Variants in PIK3CG observed in about 807,000 individuals in gnomAD.
The protein encoded by PIK3CG is phosphatidylinositol-4,5-bisphosphate 3-kinase catalytic subunit gamma.
A neutral mutation model predicts 102.3 loss-of-function variants in PIK3CG; 55 were observed. The observed-to-expected ratio is 0.54, with a 90% confidence interval of 0.43 to 0.67. The LOEUF (loss-of-function observed/expected upper bound fraction) is 0.67, where lower values mean the gene tolerates loss of function less well. PIK3CG is among the 30% of genes least tolerant of loss of function. The pLI, the probability that PIK3CG is intolerant of heterozygous loss-of-function variation, is 0.00. For synonymous variants in PIK3CG, 552 were observed against 540.0 expected (o/e 1.02, Z -0.31); for missense variants, 1,258 against 1,391.8 (o/e 0.90, Z 1.53).
In PIK3CG at chr7:106,867,768, G is replaced by A. The variant is rs1350453790; in HGVS notation, c.207G>A (p.Gln69=). Residue 69 remains glutamine, a synonymous_variant, in exon 2 of 11, where the codon CAG becomes CAA. Transcript: ENST00000496166. This position sits in a 1 kb window ranked among gnomAD's most constrained non-coding sequence, Gnocchi z 5.1. ...TGGCCGGCCACGGCAACGTGGAGCAGATGAAGGCCCAGGTGTGGCTGCGAG... is the reference window on the plus strand; with the variant it reads ...TGGCCGGCCACGGCAACGTGGAGCAAATGAAGGCCCAGGTGTGGCTGCGAG... The part of the protein sequence containing the change: ...LHVAGHGNVE[Q]MKAQVWLRAL... The A allele has an allele frequency of 1.4e-5, 23 of 1,612,892 alleles. No individual in the cohort carries two copies. The highest frequency in any genetic ancestry group is 3.3e-5 in the South Asian group (3 of 91,078).
intron 10 of PIK3CG, among the ~76,000 whole-genome samples, chr7:106,887,749 G>T (rs1355785439): frequency 2.0e-5 from 3 of 151,554 alleles, no homozygotes; most frequent in Non-Finnish European, 4.4e-5. Flanking sequence ...ACAGAGAAAT[G>T]GTTCCAAAAA....
chr7:106,868,335 G>A lies in PIK3CG; in HGVS notation c.774G>A (p.Leu258=), dbSNP rs1790392407. 6.2e-7 allele frequency: 1 copy of A among 1,614,232 alleles called. No homozygotes were observed. Among genetic ancestry groups the A allele is most frequent in the Non-Finnish European group, 8.5e-7 (1 of 1,180,044 alleles). ...CCAAGATGGCCAAGAAGAAATCTCT[G>A]ATGGATATTCCCGAAAGCCAAAGCG... ...FFTKMAKKKS[L]MDIPESQSEQ... Residue 258 remains leucine, a synonymous_variant, in exon 2 of 11, where the codon CTG becomes CTA. Coordinates refer to ENST00000496166, the MANE Select transcript of PIK3CG (RefSeq NM_001282426.2). The surrounding 1 kb of genome is among the most constrained non-coding windows in gnomAD (Gnocchi z 6.2).
Position 106,905,544 on chromosome 7 carries a change from G to T in PIK3CG, c.*157G>T. The T allele has an allele frequency of 1.5e-6, 1 of 675,584 alleles. No individual in the cohort carries two copies. Among genetic ancestry groups the T allele is most frequent in the Non-Finnish European group, 2.5e-6 (1 of 405,204 alleles). The allele number at this position is 675,584 out of a possible 1,614,324, so 41.8% of individuals were successfully genotyped here. ...CTGAACTCTTCCCTGGAGAAAAGAT[G>T]TTGGCATTGCTGATTGTTTGGTTAA... is the stretch of plus-strand genomic sequence containing the variant. On this transcript the variant is annotated 3_prime_UTR_variant, in exon 11 of 11. Coordinates refer to ENST00000496166, the MANE Select transcript of PIK3CG (RefSeq NM_001282426.2). This position sits in a 1 kb window ranked among gnomAD's most constrained non-coding sequence, Gnocchi z 5.6.
At chr7:106,866,320 C>T (rs1180808427) in intron 1 of PIK3CG, among the ~76,000 whole-genome samples, 6 of 152,096 alleles carry the variant, frequency 3.9e-5, no homozygotes, top group African/African-American at 1.4e-4. Flanking sequence ...AAGCAAAATA[C>T]CTAATCTTTC....
Position 106,897,125 on chromosome 7 carries a change from C to G in PIK3CG, c.3031-7984C>G, listed in dbSNP as rs564431651. On this transcript the variant is annotated intron_variant, in intron 10 of 10. Transcript: ENST00000496166. The surrounding 1 kb of genome is among the most constrained non-coding windows in gnomAD (Gnocchi z 4.6). ...CTTCTACAGTATCTTTCTAGTAGTT[C>G]CAGGACATGCAATTTTAAGTACTTT... Among the ~76,000 whole-genome samples the G allele has an allele frequency of 1.3e-5, 2 of 152,216 alleles. No individual in the cohort carries two copies. Among genetic ancestry groups the G allele is most frequent in the African/African-American group, 4.8e-5 (2 of 41,524 alleles).
In PIK3CG at chr7:106,883,161, A is replaced by T. The variant is rs1790993740; in HGVS notation, c.2758A>T (p.Lys920Ter). The T allele has an allele frequency of 6.2e-7, 1 of 1,613,984 alleles. No individual in the cohort carries two copies. The highest frequency in any genetic ancestry group is 8.5e-7 in the Non-Finnish European group (1 of 1,179,968). ...CAAAGAAAAATCCCCTACTGAAGAAAAGGTGAGCTCATGCTTTTTCCCAGT... is the reference window on the plus strand; with the variant it reads ...CAAAGAAAAATCCCCTACTGAAGAATAGGTGAGCTCATGCTTTTTCCCAGT... ...WLKEKSPTEE[K>*]FQAAVERFVY... Residue 920 changes from lysine (K) to a stop codon, truncating the protein, a stop_gained and splice_region_variant, in exon 8 of 11, where the codon AAG (lysine) becomes TAG (stop). Coordinates refer to ENST00000496166, the MANE Select transcript of PIK3CG (RefSeq NM_001282426.2). LOFTEE classifies it high-confidence loss of function. This position sits in a 1 kb window ranked among gnomAD's most constrained non-coding sequence, Gnocchi z 5.8.
rs1791570310 is a variant in PIK3CG at position 106,902,007 on chromosome 7, G to A, written c.3031-3102G>A. Among the ~76,000 whole-genome samples, 1 of 152,198 alleles carries A rather than the reference G, an allele frequency of 6.6e-6. No homozygotes were observed. ...TTTCTCTCCCCCTTGAGTGCTGTCT[G>A]TAGATCATGACTTGGCACTCCTCGG... On this transcript the variant is annotated intron_variant, in intron 10 of 10. Coordinates refer to ENST00000496166, the MANE Select transcript of PIK3CG (RefSeq NM_001282426.2). This position sits in a 1 kb window ranked among gnomAD's most constrained non-coding sequence, Gnocchi z 4.3.
chr7:106,878,755 T>C (rs1223450371), intron 5 of PIK3CG, among the ~76,000 whole-genome samples: 1 of 152,242 alleles, frequency 6.6e-6, no homozygotes, highest in East Asian at 1.9e-4. Context: ...TAATTTTATA[T>C]ACAATTACCA....
Position 106,908,333 on chromosome 7 carries a change from G to A in PIK3CG, c.*2946G>A, listed in dbSNP as rs934506816. ...GGCTTTGGTGTTCAGTTTAGCACAC[G>A]CGGTCTACCACGTCTGCATGAGTGG... is the stretch of plus-strand genomic sequence containing the variant. On this transcript the variant is annotated 3_prime_UTR_variant, in exon 11 of 11. Transcript: ENST00000496166. The surrounding 1 kb of genome is among the most constrained non-coding windows in gnomAD (Gnocchi z 4.1). Among the ~76,000 whole-genome samples the A allele has an allele frequency of 1.3e-5, 2 of 152,178 alleles. No homozygotes were observed. The highest frequency in any genetic ancestry group is 2.4e-5 in the African/African-American group (1 of 41,432).
chr7:106,904,631 TTTC>T (rs1791642330), intron 10 of PIK3CG, among the ~76,000 whole-genome samples: 1 of 152,318 alleles, frequency 6.6e-6, no homozygotes, highest in East Asian at 1.9e-4. Flanking sequence ...ATGCATCTGT[TTTC>T]TTAGACTTGA....
Position 106,874,219 on chromosome 7 carries a change from T to C in PIK3CG, c.2288-481T>C, listed in dbSNP as rs1469446420. ...TTTTGCCTTTAGAATTTTAAGGCTGTCACATCCATCTTCTCTACTTCTCTA... is the reference window on the plus strand; with the variant it reads ...TTTTGCCTTTAGAATTTTAAGGCTGCCACATCCATCTTCTCTACTTCTCTA... On this transcript the variant is annotated intron_variant, in intron 4 of 10. Transcript: ENST00000496166. This position sits in a 1 kb window ranked among gnomAD's most constrained non-coding sequence, Gnocchi z 4.3. Among the ~76,000 whole-genome samples the C allele has an allele frequency of 6.6e-6, 1 of 152,246 alleles. No homozygotes were observed. The highest frequency in any genetic ancestry group is 1.9e-4 in the East Asian group (1 of 5,204).
At chr7:106,881,884 T>G (rs982257717) in intron 6 of PIK3CG, among the ~76,000 whole-genome samples, 2 of 151,646 alleles carry the variant, frequency 1.3e-5, no homozygotes, top group African/African-American at 4.8e-5. Context: ...AAACAAGAAA[T>G]GTATTTATCC....
intron 10 of PIK3CG, among the ~76,000 whole-genome samples, chr7:106,900,401 A>G (rs892974031): frequency 6.6e-6 from 1 of 151,472 alleles, no homozygotes; most frequent in South Asian, 2.1e-4. Flanking sequence ...TCTGTTTTCT[A>G]TTTGCTTGGT....
chr7:106,886,914 A>G (rs1053460645), intron 10 of PIK3CG, among the ~76,000 whole-genome samples: 2 of 109,366 alleles, frequency 1.8e-5, no homozygotes, highest in African/African-American at 3.5e-5. Context: ...GGGGAGTCCA[A>G]TCTTTTGGCT....
rs1791440170 is a variant in PIK3CG at position 106,897,587 on chromosome 7, A to G, written c.3031-7522A>G. The stretch of plus-strand genomic sequence containing the variant: ...TGTTGTTTCCTTCCTTGTGTTCATA[A>G]GTTCTTATCATTTAGCTCCCACTTA... On this transcript the variant is annotated intron_variant, in intron 10 of 10. Coordinates refer to ENST00000496166, the MANE Select transcript of PIK3CG (RefSeq NM_001282426.2). The surrounding 1 kb of genome is among the most constrained non-coding windows in gnomAD (Gnocchi z 4.6). 6.6e-6 allele frequency among the ~76,000 whole-genome samples: 1 copy of G among 152,050 alleles called. No individual in the cohort carries two copies. The highest frequency in any genetic ancestry group is 6.6e-5 in the Admixed American group (1 of 15,258).
chr7:106,873,043 T>C (rs999078400), intron 4 of PIK3CG, 105 bp downstream of exon 4: 31 of 797,970 alleles, frequency 3.9e-5, no homozygotes, highest in Non-Finnish European at 6.2e-5. Context: ...TGCATCCTCC[T>C]GAAGGCACCA....
At chr7:106,896,437 T>C (rs1434434233) in intron 10 of PIK3CG, among the ~76,000 whole-genome samples, 1 of 152,226 alleles carries the variant, frequency 6.6e-6, no homozygotes, top group Non-Finnish European at 1.5e-5. Flanking sequence ...TCCCCATCTA[T>C]GTCCTTGTGA....
Position 106,867,439 on chromosome 7 carries a change from G to T in PIK3CG, c.-12-111G>T. 1.0e-6 allele frequency: 1 copy of T among 967,000 alleles called. No homozygotes were observed. The highest frequency in any genetic ancestry group is 1.6e-6 in the Non-Finnish European group (1 of 641,240). 59.9% of individuals were successfully genotyped at this position (967,000 alleles called of 1,614,324 possible). On this transcript the variant is annotated intron_variant, in intron 1 of 10. Transcript: ENST00000496166. This position sits in a 1 kb window ranked among gnomAD's most constrained non-coding sequence, Gnocchi z 5.1. ...CAGTTTAAAATACTTGGTCCCTCTG[G>T]GTCCCTGTGCACATGTACGCCGCCT...
chr7:106,900,568 T>C (rs1233768613), intron 10 of PIK3CG, among the ~76,000 whole-genome samples: 1 of 152,232 alleles, frequency 6.6e-6, no homozygotes, highest in East Asian at 1.9e-4. Flanking sequence ...TCAAGGTCAG[T>C]ATTGATATGT....
Sources: allele counts gnomAD v4.1 joint callset (sites outside exome capture counted in the v4.1 genomes callset), GRCh38; gene constraint gnomAD v4.1.1; non-coding constraint Gnocchi (gnomAD v3.1); transcripts MANE v1.5; gene names NCBI Gene and HGNC (gene_info 2026-07-23, HGNC 2026-07-21).